The following UBE2H variants were observed in gnomAD, a reference collection of about 807,000 sequenced individuals.
UBE2H encodes ubiquitin-conjugating enzyme E2 H.
In UBE2H, 3 loss-of-function variants were observed where a neutral mutation model predicts 29.0. The ratio of observed to expected loss-of-function variants is 0.10; its 90% confidence interval spans 0.05 to 0.27. UBE2H has a LOEUF of 0.27. Among genes scored for constraint, UBE2H ranks in the 10% least tolerant of loss-of-function variants. The probability of loss-of-function intolerance (pLI) is 1.00; values close to 1 mark genes in which losing one functional copy is unlikely to be tolerated. For missense variants in UBE2H, 68 were observed against 228.2 expected (o/e 0.30, Z 4.52); for synonymous variants, 69 against 82.9 (o/e 0.83, Z 0.91).
At chr7:129,886,766 G>GTTTTTTTTGGT (rs1554435105) in intron 1 of UBE2H, among the ~76,000 whole-genome samples, 1 of 50,726 alleles carries the variant, frequency 2.0e-5, no homozygotes, top group South Asian at 5.5e-4. Context: ...TTGTTTTTTG[G>GTTTTTTTTGGT]TAAAAAAAAA....
intron 3 of UBE2H, among the ~76,000 whole-genome samples, chr7:129,861,793 A>G (rs1805808378): frequency 6.6e-6 from 1 of 152,126 alleles, no homozygotes; most frequent in Non-Finnish European, 1.5e-5. Context: ...CAGGAGGCTG[A>G]GGCAGGAGAA....
intron 1 of UBE2H, among the ~76,000 whole-genome samples, chr7:129,896,096 G>C (rs1024452271): frequency 5.3e-5 from 8 of 151,876 alleles, no homozygotes; most frequent in African/African-American, 1.9e-4. Flanking sequence ...CCAGCACTTC[G>C]GGATTCAAGG....
chr7:129,897,850 G>C (rs1806630313), intron 1 of UBE2H, among the ~76,000 whole-genome samples: 1 of 152,152 alleles, frequency 6.6e-6, no homozygotes, highest in African/African-American at 2.4e-5. Context: ...CTTCTTGATT[G>C]AAATTCTGCT....
intron 3 of UBE2H, among the ~76,000 whole-genome samples, chr7:129,874,290 T>TTAATTTTTTATATATA (rs1806101775): frequency 6.6e-6 from 1 of 150,682 alleles, no homozygotes; most frequent in Admixed American, 6.6e-5. Flanking sequence ...AGCCCTGAAT[T>TTAATTTTTTATATATA]TAATTTTTTT....
intron 1 of UBE2H, among the ~76,000 whole-genome samples, chr7:129,886,807 AT>A (rs1160144102): frequency 6.0e-5 from 9 of 150,660 alleles, no homozygotes; most frequent in Non-Finnish European, 1.5e-5. Flanking sequence ...ATGTCTGTTA[AT>A]CCATTAATAT....
chr7:129,857,570 C>G lies in UBE2H; in HGVS notation c.246-7G>C. 1 of 1,609,112 alleles carries G rather than the reference C, an allele frequency of 6.2e-7. No homozygotes were observed. The highest frequency in any genetic ancestry group is 8.5e-7 in the Non-Finnish European group (1 of 1,178,128). ...TAGACACACAGTTCCTGACCTGAAACAGATGGAAAGAATGGCATGTTTTTA... is the reference window on the plus strand; with the variant it reads ...TAGACACACAGTTCCTGACCTGAAAGAGATGGAAAGAATGGCATGTTTTTA... On this transcript the variant is annotated splice_polypyrimidine_tract_variant and splice_region_variant and intron_variant, in intron 4 of 6. Coordinates refer to ENST00000355621, the MANE Select transcript of UBE2H (RefSeq NM_003344.4).
Position 129,883,027 on chromosome 7 carries a change from C to T in UBE2H, c.54-2056G>A, listed in dbSNP as rs192526356. 8.5e-4 allele frequency among the ~76,000 whole-genome samples: 129 copies of T among 152,206 alleles called. 4 individuals carry two copies. The East Asian group carries it at 0.02, about 24-fold the overall frequency. ...TACCCCAACAAAGAAAAAGCCAGAA[C>T]ATCCAAGTCAAGAAAACGGAAATGG... On this transcript the variant is annotated intron_variant, in intron 1 of 6. Transcript: ENST00000355621.
chr7:129,897,150 C>G (rs1806616278), intron 1 of UBE2H, among the ~76,000 whole-genome samples: 1 of 152,180 alleles, frequency 6.6e-6, no homozygotes, highest in Non-Finnish European at 1.5e-5. Flanking sequence ...TCCTTTCCTT[C>G]CCTACACTGG....
Position 129,833,861 on chromosome 7 carries a change from G to C in UBE2H, c.*1076C>G, listed in dbSNP as rs1201830775. On this transcript the variant is annotated 3_prime_UTR_variant, in exon 7 of 7. Transcript: ENST00000355621. ...AGCAGAAAAAGGGAAAACCAAACCA[G>C]AACATGAAGGCAAGTACCCAGGGCT... is the stretch of plus-strand genomic sequence containing the variant. 6.6e-6 allele frequency: 1 copy of C among 152,142 alleles called. No individual in the cohort carries two copies. The highest frequency in any genetic ancestry group is 1.5e-5 in the Non-Finnish European group (1 of 68,044). The allele number at this position is 152,142 out of a possible 1,614,324, so 9.4% of individuals were successfully genotyped here.
chr7:129,852,399 G>A (rs1332341275), intron 5 of UBE2H, among the ~76,000 whole-genome samples: 4 of 151,958 alleles, frequency 2.6e-5, no homozygotes, highest in Admixed American at 6.6e-5. Flanking sequence ...CCCGGGAGGC[G>A]GAGCTCGCAG....
At position 129,832,504 on chromosome 7, in the gene UBE2H, T is replaced by TCA. The variant is rs34351192; in HGVS notation, c.*2432_*2433insTG. 6.7e-6 allele frequency: 1 copy of TCA among 150,296 alleles called. No individual in the cohort carries two copies. Among genetic ancestry groups the TCA allele is most frequent in the Non-Finnish European group, 1.5e-5 (1 of 67,568 alleles). 9.3% of individuals were successfully genotyped at this position (150,296 alleles called of 1,614,324 possible). On this transcript the variant is annotated 3_prime_UTR_variant, in exon 7 of 7. Transcript: ENST00000355621. ...CACACATGTGCACACATACACACAC[T>TCA]CTCTCTCTCTGCAGCCACACTCAAA...
chr7:129,940,815 GC>G (rs1347404657), intron 1 of UBE2H, among the ~76,000 whole-genome samples: 1 of 152,148 alleles, frequency 6.6e-6, no homozygotes, highest in Non-Finnish European at 1.5e-5. Flanking sequence ...TAGTACCTGG[GC>G]CCCCAAAAGC....
chr7:129,837,091 G>A (rs1283961184), intron 6 of UBE2H, among the ~76,000 whole-genome samples: 4 of 152,120 alleles, frequency 2.6e-5, no homozygotes, highest in Non-Finnish European at 5.9e-5. Flanking sequence ...CTATAATACA[G>A]CGCCAACTAA....
intron 3 of UBE2H, among the ~76,000 whole-genome samples, chr7:129,877,070 T>G (rs888941291): frequency 6.6e-6 from 1 of 152,258 alleles, no homozygotes; most frequent in Admixed American, 6.5e-5. Context: ...GATTTTTCTT[T>G]ACTTTGGCTT....
chr7:129,951,487 C>CA (rs35808448), intron 1 of UBE2H, among the ~76,000 whole-genome samples: 11,639 of 145,328 alleles, frequency 0.08, 567 homozygotes, highest in Non-Finnish European at 0.11. Flanking sequence ...AACTACCCTT[C>CA]AAAAAAAAAA....
chr7:129,904,100 A>T (rs539399753), intron 1 of UBE2H, among the ~76,000 whole-genome samples: 1 of 152,318 alleles, frequency 6.6e-6, no homozygotes, highest in African/African-American at 2.4e-5. Flanking sequence ...AATATGCCTG[A>T]CACGGTCTCA....
intron 1 of UBE2H, among the ~76,000 whole-genome samples, chr7:129,916,969 G>A (rs575752734): frequency 8.7e-4 from 130 of 149,692 alleles, no homozygotes; most frequent in African/African-American, 3.1e-3. Context: ...CCTGGGAGGC[G>A]GAGCTTGCAG....
chr7:129,878,276 G>A (rs1275384480), intron 3 of UBE2H, among the ~76,000 whole-genome samples: 2 of 152,200 alleles, frequency 1.3e-5, no homozygotes, highest in African/African-American at 4.8e-5. Flanking sequence ...CATTCACAAC[G>A]CTGAAACTTA....
At chr7:129,857,410 C>T in intron 5 of UBE2H, 101 bp downstream of exon 5, 2 of 1,279,306 alleles carry the variant, frequency 1.6e-6, no homozygotes, top group Non-Finnish European at 2.2e-6. Flanking sequence ...AATCCCTTCC[C>T]ATTACCAACA....
Sources: allele counts gnomAD v4.1 joint callset (sites outside exome capture counted in the v4.1 genomes callset), GRCh38; gene constraint gnomAD v4.1.1; transcripts MANE v1.5; gene names NCBI Gene and HGNC (gene_info 2026-07-23, HGNC 2026-07-21).